Variants in USP24 observed in about 807,000 individuals in gnomAD.
USP24 encodes ubiquitin carboxyl-terminal hydrolase 24.
USP24 carries 97 observed loss-of-function variants against 361.6 expected under a neutral mutation model. That is an observed-to-expected ratio of 0.27 (90% CI 0.23 to 0.32). The LOEUF is 0.32. Ranked by LOEUF, USP24 falls within the 10% of genes least tolerant of loss-of-function variation. The probability of loss-of-function intolerance (pLI) is 1.00; values close to 1 mark genes in which losing one functional copy is unlikely to be tolerated. For synonymous variants in USP24, 1,098 were observed against 1,124.6 expected, an observed-to-expected ratio of 0.98 and a Z score of 0.47; for missense variants, 2,353 against 3,165.6, an observed-to-expected ratio of 0.74 and a Z score of 6.16.
chr1:55,083,426 A>C, intron 57 of USP24, 62 bp from the exon 58 acceptor site: 1 of 1,506,244 alleles, frequency 6.6e-7, no homozygotes, highest in African/African-American at 1.4e-5. Flanking sequence ...TGGTTTTAAA[A>C]ACACAGCTAA....
intron 35 of USP24, among the ~76,000 whole-genome samples, chr1:55,124,095 A>C (rs1646359374): frequency 1.3e-5 from 2 of 152,224 alleles, no homozygotes; most frequent in African/African-American, 4.8e-5. Context: ...TATTTTAAAG[A>C]GGCCTAATGA....
At chr1:55,114,522 T>A (rs1014113403) in intron 38 of USP24, among the ~76,000 whole-genome samples, 3 of 152,178 alleles carry the variant, frequency 2.0e-5, no homozygotes, top group Non-Finnish European at 4.4e-5. Flanking sequence ...CAAAACAGCA[T>A]GGTACTGTAC....
At chr1:55,100,662 C>T (rs114325173) in intron 44 of USP24, among the ~76,000 whole-genome samples, 177 bp downstream of exon 44, 6 of 152,240 alleles carry the variant, frequency 3.9e-5, no homozygotes, top group African/African-American at 1.2e-4. Flanking sequence ...CTATTCTCAA[C>T]ATTCTAATGA....
At chr1:55,180,706 T>C (rs1214438695) in intron 1 of USP24, among the ~76,000 whole-genome samples, 1 of 152,194 alleles carries the variant, frequency 6.6e-6, no homozygotes, top group East Asian at 1.9e-4. Context: ...ATTTCTAAAA[T>C]AGACAAATTC....
chr1:55,077,342 A>G (rs1557527889), intron 61 of USP24, 42 bp from the exon 62 acceptor site: 1 of 1,512,102 alleles, frequency 6.6e-7, no homozygotes, highest in Non-Finnish European at 9.0e-7. Flanking sequence ...AGTGGAAAGC[A>G]TATTGGAATG....
intron 1 of USP24, among the ~76,000 whole-genome samples, chr1:55,195,340 C>A (rs1417911701): frequency 6.6e-6 from 1 of 152,194 alleles, no homozygotes; most frequent in Non-Finnish European, 1.5e-5. Flanking sequence ...TTCTTCAAAA[C>A]CACTTCAAGT....
intron 45 of USP24, among the ~76,000 whole-genome samples, chr1:55,099,445 C>T (rs557840209): frequency 6.6e-6 from 1 of 152,102 alleles, no homozygotes; most frequent in South Asian, 2.1e-4. Context: ...GTGATCCCAG[C>T]TACTCGGGAG....
At chr1:55,175,119 A>T (rs994564159) in intron 3 of USP24, among the ~76,000 whole-genome samples, 2 of 151,164 alleles carry the variant, frequency 1.3e-5, no homozygotes, top group African/African-American at 4.9e-5. Context: ...AAAATTAATT[A>T]TATATATATT....
rs1165620478 is a variant in USP24 at position 55,172,540 on chromosome 1, A to T, written c.559-20T>A. On this transcript the variant is annotated intron_variant, in intron 3 of 67. Transcript: ENST00000294383. ...CAGGAGCTATAAAAACATAAAGGGC[A>T]ATCTAGAGTCTAACTTGAAAAAAGA... The T allele has an allele frequency of 6.3e-7, 1 of 1,594,174 alleles. No homozygotes were observed. The highest frequency in any genetic ancestry group is 1.4e-5 in the African/African-American group (1 of 73,928).
At chr1:55,197,181 G>A (rs1034801881) in intron 1 of USP24, among the ~76,000 whole-genome samples, 1 of 152,106 alleles carries the variant, frequency 6.6e-6, no homozygotes, top group African/African-American at 2.4e-5. Context: ...GCTCAAATAT[G>A]ACCTGCTCTG....
In USP24 at chr1:55,092,862, C is replaced by T. The variant is rs763418774; in HGVS notation, c.6409G>A (p.Asp2137Asn). 2 of 1,600,882 alleles carry T rather than the reference C, an allele frequency of 1.2e-6. No individual in the cohort carries two copies. Among genetic ancestry groups the T allele is most frequent in the South Asian group, 2.3e-5 (2 of 88,270 alleles). ...AAAGACAAAACAAAACTGAAATAAT[C>T]ACTACTGTATACATCTCTATTCTTC... ...FMKNRDVYSS[D>N]YFSFVLSLAS... The change falls in exon 53 of 68, where the codon GAT becomes AAT. Residue 2137 changes from aspartate to asparagine, a missense_variant. Coordinates refer to ENST00000294383, the MANE Select transcript of USP24 (RefSeq NM_015306.3).
Position 55,081,311 on chromosome 1 carries a change from G to C in USP24, c.7078+11C>G. 6.2e-7 allele frequency: 1 copy of C among 1,611,870 alleles called. No individual in the cohort carries two copies. Among genetic ancestry groups the C allele is most frequent in the Non-Finnish European group, 8.5e-7 (1 of 1,178,216 alleles). On this transcript the variant is annotated intron_variant, in intron 59 of 67. Coordinates refer to ENST00000294383, the MANE Select transcript of USP24 (RefSeq NM_015306.3). The stretch of plus-strand genomic sequence containing the variant: ...TCAGTATCTCTTCATTCTAAGATAT[G>C]TTAAGCTTACCAACATTCCTTTGGG...
intron 55 of USP24, 35 bp downstream of exon 55, chr1:55,089,592 C>G (rs750917945): frequency 1.4e-6 from 2 of 1,442,384 alleles, no homozygotes; most frequent in Admixed American, 4.5e-5. Context: ...GGAAGAGACA[C>G]AAATTTCTTT....
intron 31 of USP24, among the ~76,000 whole-genome samples, chr1:55,131,588 T>C (rs1646592875): frequency 6.6e-6 from 1 of 152,170 alleles, no homozygotes; most frequent in African/African-American, 2.4e-5. Context: ...TGAAATGTCA[T>C]CACACCTTGA....
intron 1 of USP24, among the ~76,000 whole-genome samples, chr1:55,179,207 C>T (rs1480435972): frequency 6.6e-6 from 1 of 152,170 alleles, no homozygotes; most frequent in Non-Finnish European, 1.5e-5. Context: ...TCTTGAAATG[C>T]TGGCTTCTTT....
intron 1 of USP24, among the ~76,000 whole-genome samples, 153 bp downstream of exon 1, chr1:55,214,637 A>G (rs1235154253): frequency 6.6e-6 from 1 of 151,750 alleles, no homozygotes; most frequent in Admixed American, 6.5e-5. Context: ...TCCCAACTGG[A>G]GCCTGGGGCT....
At chr1:55,089,293 T>C (rs1645322698) in intron 55 of USP24, among the ~76,000 whole-genome samples, 2 of 152,184 alleles carry the variant, frequency 1.3e-5, no homozygotes, top group Admixed American at 1.3e-4. Context: ...TCTGGGATTG[T>C]TTCTCTCTTT....
rs1479307473 is a variant in USP24, at chr1:55,195,478, G to A, written c.325-17346C>T. Among the ~76,000 whole-genome samples, 6 of 152,272 alleles carry A rather than the reference G, an allele frequency of 3.9e-5. No individual in the cohort carries two copies. In the East Asian group the frequency reaches 1.2e-3, roughly 29 times the overall value. On this transcript the variant is annotated intron_variant, in intron 1 of 67. Transcript: ENST00000294383. ...AGGCTATGAATACATCTATGAATAA[G>A]ACAGACATACTCTGCCACTGAATCT...
chr1:55,126,524 C>T (rs1239604389), intron 32 of USP24, among the ~76,000 whole-genome samples: 2 of 152,264 alleles, frequency 1.3e-5, no homozygotes, highest in Non-Finnish European at 2.9e-5. Context: ...CTAATCTACT[C>T]ACTGCTCTGT....
Sources: allele counts gnomAD v4.1 joint callset (sites outside exome capture counted in the v4.1 genomes callset), GRCh38; gene constraint gnomAD v4.1.1; transcripts MANE v1.5; gene names NCBI Gene and HGNC (gene_info 2026-07-23, HGNC 2026-07-21).